Variants in MGAT5 observed in about 807,000 individuals in gnomAD.
The protein encoded by MGAT5 is alpha-1,6-mannosylglycoprotein 6-beta-N-acetylglucosaminyltransferase.
In MGAT5, 30 loss-of-function variants were observed where a neutral mutation model predicts 94.3. The observed-to-expected ratio is 0.32, with a 90% CI of 0.24 to 0.43. MGAT5 has a LOEUF of 0.43. MGAT5 is among the 20% of genes least tolerant of loss of function. MGAT5 has a pLI of 1.00. For synonymous variants in MGAT5, 310 were observed against 322.9 expected (o/e 0.96, Z 0.43); for missense variants, 691 against 905.5 (o/e 0.76, Z 3.04).
At chr2:134,273,974 T>G (rs986974352) in intron 2 of MGAT5, among the ~76,000 whole-genome samples, 1 of 152,210 alleles carries the variant, frequency 6.6e-6, no homozygotes, top group Non-Finnish European at 1.5e-5. Context: ...GTCAAAATTC[T>G]CTCCTTTTAG....
chr2:134,300,045 A>G (rs940577122), intron 2 of MGAT5, among the ~76,000 whole-genome samples: 6 of 152,276 alleles, frequency 3.9e-5, no homozygotes, highest in Middle Eastern at 3.4e-3. Context: ...ATTCATTTCT[A>G]TGTTCTAGTG....
intron 1 of MGAT5, among the ~76,000 whole-genome samples, chr2:134,189,597 T>TTTTTTTGTTG (rs796171408): frequency 3.4e-5 from 3 of 87,132 alleles, no homozygotes; most frequent in African/African-American, 1.4e-4. Context: ...CTCTAGTTTT[T>TTTTTTTGTTG]TTTTGTTTTT....
At chr2:134,289,345 C>A (rs115476389) in intron 2 of MGAT5, among the ~76,000 whole-genome samples, 5 of 152,284 alleles carry the variant, frequency 3.3e-5, no homozygotes, top group African/African-American at 1.2e-4. Context: ...TCTTCTGTGG[C>A]CCTTCCTAAG....
chr2:134,409,838 C>T (rs1251742842), intron 11 of MGAT5, among the ~76,000 whole-genome samples: 1 of 152,150 alleles, frequency 6.6e-6, no homozygotes, highest in Non-Finnish European at 1.5e-5. Flanking sequence ...CGTCCCAATC[C>T]TATACTGTGA....
intron 1 of MGAT5, among the ~76,000 whole-genome samples, chr2:134,194,823 C>T (rs1679421270): frequency 6.6e-6 from 1 of 152,206 alleles, no homozygotes. Flanking sequence ...GGTGGAATAT[C>T]TTCCATGAGC....
chr2:134,255,916 A>G (rs1040510196), intron 1 of MGAT5, among the ~76,000 whole-genome samples: 1 of 152,158 alleles, frequency 6.6e-6, no homozygotes, highest in African/African-American at 2.4e-5. Context: ...CCAAAAGGGG[A>G]AAAAAACTTG....
intron 1 of MGAT5, among the ~76,000 whole-genome samples, chr2:134,151,828 CCTCA>C: frequency 7.4e-6 from 1 of 134,252 alleles, no homozygotes; most frequent in South Asian, 2.5e-4. Flanking sequence ...TGCCATGGGA[CCTCA>C]CTCACGCCCT....
chr2:134,238,936 AACTCTGTCT>A (rs1328731953), intron 1 of MGAT5, among the ~76,000 whole-genome samples: 1 of 152,176 alleles, frequency 6.6e-6, no homozygotes, highest in Non-Finnish European at 1.5e-5. Flanking sequence ...ACAAGAGTGA[AACTCTGTCT>A]CAAAAACAAA....
At chr2:134,434,968 C>A (rs936957151) in intron 14 of MGAT5, among the ~76,000 whole-genome samples, 2 of 152,150 alleles carry the variant, frequency 1.3e-5, no homozygotes, top group African/African-American at 2.4e-5. Context: ...ATGAGGAAAC[C>A]TTCAAAGCCA....
intron 2 of MGAT5, among the ~76,000 whole-genome samples, chr2:134,290,539 G>T (rs1224295552): frequency 6.6e-6 from 1 of 152,108 alleles, no homozygotes; most frequent in African/African-American, 2.4e-5. Flanking sequence ...GCTATCTTTG[G>T]TCATAGAAAT....
At chr2:134,168,850 T>A (rs985119903) in intron 1 of MGAT5, among the ~76,000 whole-genome samples, 1 of 152,216 alleles carries the variant, frequency 6.6e-6, no homozygotes, top group Non-Finnish European at 1.5e-5. Flanking sequence ...GTATTCAGGA[T>A]TCTGAGATTC....
At chr2:134,262,036 A>G (rs1457506510) in intron 1 of MGAT5, among the ~76,000 whole-genome samples, 1 of 152,264 alleles carries the variant, frequency 6.6e-6, no homozygotes, top group Non-Finnish European at 1.5e-5. Flanking sequence ...CGGATGGAAC[A>G]CATTGTGTTC....
chr2:134,265,981 A>G (rs1173970706), intron 1 of MGAT5, among the ~76,000 whole-genome samples: 1 of 151,912 alleles, frequency 6.6e-6, no homozygotes, highest in African/African-American at 2.4e-5. Flanking sequence ...CAGCCTGACC[A>G]AGATGGTGAA....
At chr2:134,379,671 C>G (rs920995622) in intron 10 of MGAT5, among the ~76,000 whole-genome samples, 3 of 152,188 alleles carry the variant, frequency 2.0e-5, no homozygotes, top group African/African-American at 7.2e-5. Context: ...ACCCAGTGGT[C>G]TTACATTTGT....
chr2:134,307,547 C>G (rs1297237140), intron 2 of MGAT5, among the ~76,000 whole-genome samples: 1 of 152,054 alleles, frequency 6.6e-6, no homozygotes, highest in Non-Finnish European at 1.5e-5. Context: ...GCTGTGATAA[C>G]AGTGATAAAT....
intron 11 of MGAT5, among the ~76,000 whole-genome samples, chr2:134,404,125 G>A (rs1281589193): frequency 1.3e-5 from 2 of 152,202 alleles, no homozygotes; most frequent in African/African-American, 4.8e-5. Flanking sequence ...TTGAGTAGCT[G>A]CAATGTGCTA....
chr2:134,283,273 A>G (rs918822628), intron 2 of MGAT5, among the ~76,000 whole-genome samples: 2 of 148,444 alleles, frequency 1.3e-5, no homozygotes, highest in African/African-American at 5.1e-5. Flanking sequence ...GCCACATGAG[A>G]AAGTGTCTGT....
At chr2:134,173,964 A>G (rs1688342302) in intron 1 of MGAT5, among the ~76,000 whole-genome samples, 1 of 152,222 alleles carries the variant, frequency 6.6e-6, no homozygotes, top group African/African-American at 2.4e-5. Flanking sequence ...CACCCAGGTT[A>G]TAAATCATCA....
chr2:134,413,320 G>C (rs1166237777), intron 12 of MGAT5, among the ~76,000 whole-genome samples: 1 of 152,198 alleles, frequency 6.6e-6, no homozygotes, highest in African/African-American at 2.4e-5. Context: ...AGTTTAGGGA[G>C]TGAGATCAAC....
Sources: allele counts gnomAD v4.1 joint callset (sites outside exome capture counted in the v4.1 genomes callset), GRCh38; gene constraint gnomAD v4.1.1; transcripts MANE v1.5; gene names NCBI Gene and HGNC (gene_info 2026-07-23, HGNC 2026-07-21).